The following MRPL48 variants were observed in gnomAD, a reference collection of about 807,000 sequenced individuals.
MRPL48 encodes mitochondrial ribosomal protein L48.
MRPL48 carries 16 observed loss-of-function variants against 32.9 expected under a neutral mutation model. The observed-to-expected ratio is 0.49, with a 90% CI of 0.33 to 0.74. The LOEUF is 0.74. MRPL48 is among the 30% of genes least tolerant of loss of function. The pLI, the probability that MRPL48 is intolerant of heterozygous loss-of-function variation, is 0.02. For missense variants in MRPL48, 206 were observed against 245.3 expected, an observed-to-expected ratio of 0.84 and a Z score of 1.07; for synonymous variants, 94 against 89.2, an observed-to-expected ratio of 1.05 and a Z score of -0.31.
chr11:73,850,940 T>A, intron 5 of MRPL48: 1 of 273,826 alleles, frequency 3.7e-6, no homozygotes, highest in Non-Finnish European at 7.2e-6. Flanking sequence ...CCTCCCAAAG[T>A]GCTGGGATTA....
chr11:73,794,849 A>G (rs1947224706), intron 1 of MRPL48, among the ~76,000 whole-genome samples: 1 of 147,252 alleles, frequency 6.8e-6, no homozygotes, highest in Admixed American at 6.8e-5. Context: ...GGTTCAAGCG[A>G]TTCTCCTGCC....
At chr11:73,812,178 G>T (rs986557598) in intron 3 of MRPL48, among the ~76,000 whole-genome samples, 2 of 152,040 alleles carry the variant, frequency 1.3e-5, no homozygotes, top group African/African-American at 4.8e-5. Context: ...GAGCCACCGC[G>T]CCCGGCCCTC....
chr11:73,811,724 T>C (rs1947570382), intron 3 of MRPL48, among the ~76,000 whole-genome samples: 1 of 152,156 alleles, frequency 6.6e-6, no homozygotes, highest in Admixed American at 6.5e-5. Context: ...AAAAAATTAT[T>C]AGGTTGGTGC....
chr11:73,822,776 A>T (rs1253143446), intron 3 of MRPL48, among the ~76,000 whole-genome samples: 1 of 152,196 alleles, frequency 6.6e-6, no homozygotes, highest in Non-Finnish European at 1.5e-5. Flanking sequence ...ACACAGCAGG[A>T]AATGAGGGGC....
At chr11:73,809,963 G>A (rs1947536791) in intron 3 of MRPL48, among the ~76,000 whole-genome samples, 2 of 152,092 alleles carry the variant, frequency 1.3e-5, no homozygotes, top group Admixed American at 1.3e-4. Flanking sequence ...AAAATAATGG[G>A]CTTCTTTTTA....
At chr11:73,836,800 G>A (rs1948111869) in intron 4 of MRPL48, among the ~76,000 whole-genome samples, 1 of 152,120 alleles carries the variant, frequency 6.6e-6, no homozygotes, top group South Asian at 2.1e-4. Flanking sequence ...AACTTTAGCT[G>A]TTACAGATGA....
intron 1 of MRPL48, among the ~76,000 whole-genome samples, chr11:73,791,181 GGCCCGCTGCT>G (rs1196493385): frequency 6.6e-6 from 1 of 151,864 alleles, no homozygotes; most frequent in Non-Finnish European, 1.5e-5. Context: ...CACCATGCCT[GGCCCGCTGCT>G]TTTTCTTTTC....
At position 73,797,547 on chromosome 11, in the gene MRPL48, C is replaced by T. The variant is rs111394757; in HGVS notation, c.22-7480C>T. On this transcript the variant is annotated intron_variant, in intron 1 of 7. Transcript: ENST00000310614. Reference sequence around the variant, plus strand: ...AGCGCCACGTGTTCCCCAGTGCCAGCTGTGAAAGCTGCTTGTGGTGCACCT... The same window carrying T: ...AGCGCCACGTGTTCCCCAGTGCCAGTTGTGAAAGCTGCTTGTGGTGCACCT... Among the ~76,000 whole-genome samples the T allele has an allele frequency of 7.3e-3, 1,114 of 152,356 alleles. 16 individuals carry two copies. The highest frequency in any genetic ancestry group is 0.025 in the African/African-American group (1,042 of 41,590).
At chr11:73,825,836 C>A (rs985365728) in intron 4 of MRPL48, 40 bp downstream of exon 4, 14 of 1,493,856 alleles carry the variant, frequency 9.4e-6, no homozygotes, top group Non-Finnish European at 1.3e-5. Context: ...GGATAATGTG[C>A]AGCTTTTGCA....
chr11:73,852,846 G>C (rs4537782), intron 5 of MRPL48, among the ~76,000 whole-genome samples: 1 of 152,080 alleles, frequency 6.6e-6, no homozygotes, highest in Non-Finnish European at 1.5e-5. Flanking sequence ...GGAAGCAACC[G>C]GAGTGTCTGT....
At chr11:73,810,861 A>ATAAT (rs1466203683) in intron 3 of MRPL48, among the ~76,000 whole-genome samples, 1 of 152,146 alleles carries the variant, frequency 6.6e-6, no homozygotes, top group African/African-American at 2.4e-5. Flanking sequence ...AGGATATATT[A>ATAAT]AGCAGCCCAT....
chr11:73,797,645 G>T (rs1385359402), intron 1 of MRPL48, among the ~76,000 whole-genome samples: 3 of 152,246 alleles, frequency 2.0e-5, no homozygotes, highest in African/African-American at 7.2e-5. Flanking sequence ...CAGCCGGCAT[G>T]TCTGACTGTG....
At chr11:73,847,408 G>A (rs552471453) in intron 5 of MRPL48, among the ~76,000 whole-genome samples, 45 of 150,154 alleles carry the variant, frequency 3.0e-4, no homozygotes, top group Non-Finnish European at 6.4e-4. Flanking sequence ...TTCTTATTGG[G>A]TCTTCAAAAT....
At chr11:73,836,949 C>G (rs185640026) in intron 4 of MRPL48, among the ~76,000 whole-genome samples, 2 of 152,296 alleles carry the variant, frequency 1.3e-5, no homozygotes, top group African/African-American at 4.8e-5. Context: ...CCTTGCTACC[C>G]CAGTCAGAGC....
intron 5 of MRPL48, among the ~76,000 whole-genome samples, chr11:73,849,264 G>A (rs1948348329): frequency 6.6e-6 from 1 of 151,972 alleles, no homozygotes; most frequent in Admixed American, 6.6e-5. Context: ...AGCCTCCCAA[G>A]TAGCTGAGAT....
intron 5 of MRPL48, among the ~76,000 whole-genome samples, chr11:73,851,485 C>T (rs1357452244): frequency 6.6e-6 from 1 of 152,190 alleles, no homozygotes; most frequent in Non-Finnish European, 1.5e-5. Flanking sequence ...CTTTAGCTCT[C>T]ATAGCTGACA....
intron 4 of MRPL48, among the ~76,000 whole-genome samples, chr11:73,839,473 C>T (rs1251241919): frequency 6.6e-6 from 1 of 151,972 alleles, no homozygotes; most frequent in African/African-American, 2.4e-5. Flanking sequence ...CCCAATGGAA[C>T]AGAAGAGTAG....
chr11:73,840,364 C>A (rs146833947), intron 4 of MRPL48, among the ~76,000 whole-genome samples: 30 of 152,070 alleles, frequency 2.0e-4, no homozygotes, highest in Non-Finnish European at 3.4e-4. Context: ...CATAATGGCA[C>A]ATGCCTGTAA....
At position 73,788,001 on chromosome 11, in the gene MRPL48, G is replaced by A; in HGVS notation, c.21+9G>A. 1 of 1,569,394 alleles carries A rather than the reference G, an allele frequency of 6.4e-7. No individual in the cohort carries two copies. Among genetic ancestry groups the A allele is most frequent in the Non-Finnish European group, 8.6e-7 (1 of 1,157,608 alleles). ...GCGGAACCTTGGAAAAGGTAACGTAGATTCCACGCACGCGGGGCGCGGGGA... is the reference window on the plus strand; with the variant it reads ...GCGGAACCTTGGAAAAGGTAACGTAAATTCCACGCACGCGGGGCGCGGGGA... On this transcript the variant is annotated intron_variant, in intron 1 of 7. Transcript: ENST00000310614.
Sources: gnomAD v4.1 joint callset for allele counts (sites outside exome capture counted in the v4.1 genomes callset) on GRCh38, gnomAD v4.1.1 for gene constraint, MANE v1.5 for transcripts, NCBI Gene and HGNC (gene_info 2026-07-23, HGNC 2026-07-21) for gene names.